Variants in TUBG2 observed in about 807,000 individuals in gnomAD.
TUBG2 encodes the protein tubulin gamma-2 chain.
In TUBG2, 39 loss-of-function variants were observed where a neutral mutation model predicts 55.1. The ratio of observed to expected loss-of-function variants is 0.71; its 90% confidence interval spans 0.55 to 0.93. The LOEUF is 0.93. Ranked by LOEUF, TUBG2 falls within the 40% of genes least tolerant of loss-of-function variation. The pLI is 0.00. For missense variants in TUBG2, 358 were observed against 599.1 expected (o/e 0.60, Z 4.20); for synonymous variants, 223 against 241.0 (o/e 0.93, Z 0.69).
At chr17:42,661,956 G>C (rs2052396859) in intron 4 of TUBG2, among the ~76,000 whole-genome samples, 2 of 152,162 alleles carry the variant, frequency 1.3e-5, no homozygotes, top group South Asian at 4.1e-4. Context: ...GCTATCTTCA[G>C]GTACAGATAC....
intron 5 of TUBG2, 58 bp downstream of exon 5, chr17:42,663,110 T>C: frequency 6.4e-7 from 1 of 1,563,300 alleles, no homozygotes; most frequent in Non-Finnish European, 8.8e-7. Context: ...ATGTCATTGC[T>C]TTTTTCTCTT....
At chr17:42,663,202 G>A (rs1567946898) in intron 5 of TUBG2, 150 bp downstream of exon 5, 11 of 1,279,522 alleles carry the variant, frequency 8.6e-6, no homozygotes, top group Admixed American at 2.3e-5. Flanking sequence ...ATTTTGGGGG[G>A]TGGGGGTTTA....
At position 42,663,032 on chromosome 17, in the gene TUBG2, C is replaced by T; in HGVS notation, c.459C>T (p.Leu153=). 3 of 1,614,134 alleles carry T rather than the reference C, an allele frequency of 1.9e-6. No individual in the cohort carries two copies. The highest frequency in any genetic ancestry group is 2.5e-6 in the Non-Finnish European group (3 of 1,179,992). ...GGTGSGLGSY[L]LERLNDRYPK... ...CGGGTTCTGGCCTGGGCTCCTACCT[C>T]CTGGAGCGACTGAATGACAGGCAAG... The change falls in exon 5 of 11, where the codon CTC becomes CTT. Residue 153 remains leucine, a synonymous_variant. Transcript: ENST00000251412.
chr17:42,663,017 C>T lies in TUBG2; in HGVS notation c.444C>T (p.Gly148=). The part of the protein sequence containing the change: ...CHSIAGGTGS[G]LGSYLLERLN... ...CCATCGCTGGGGGTACGGGTTCTGG[C>T]CTGGGCTCCTACCTCCTGGAGCGAC... Residue 148 remains glycine, a synonymous_variant, in exon 5 of 11, where the codon GGC becomes GGT. Transcript: ENST00000251412. 2 of 1,614,138 alleles carry T rather than the reference C, an allele frequency of 1.2e-6. No homozygotes were observed. Among genetic ancestry groups the T allele is most frequent in the Non-Finnish European group, 1.7e-6 (2 of 1,180,022 alleles).
intron 8 of TUBG2, 96 bp downstream of exon 8, chr17:42,665,923 C>A: frequency 6.3e-7 from 1 of 1,592,214 alleles, no homozygotes; most frequent in Middle Eastern, 1.7e-4. Context: ...CAGGAGCTGC[C>A]CTTTGCAGGC....
chr17:42,666,568 CT>C (rs1160828878), intron 10 of TUBG2, 34 bp from the exon 11 acceptor site: 2 of 1,613,984 alleles, frequency 1.2e-6, no homozygotes, highest in Non-Finnish European at 1.7e-6. Flanking sequence ...TCCTAACCCC[CT>C]GGCTCGCATT....
At chr17:42,666,528 G>A (rs1005363389) in intron 10 of TUBG2, 44 bp downstream of exon 10, 3 of 1,613,502 alleles carry the variant, frequency 1.9e-6, no homozygotes, top group Non-Finnish European at 2.5e-6. Flanking sequence ...CTGTTCCACT[G>A]GCCACCTTCA....
At chr17:42,665,401 C>T (rs1390919937) in intron 6 of TUBG2, 75 bp from the exon 7 acceptor site, 2 of 1,604,128 alleles carry the variant, frequency 1.2e-6, no homozygotes, top group African/African-American at 2.7e-5. Flanking sequence ...TGGAGTTCAG[C>T]AGGGGCTAAG....
chr17:42,660,747 C>T (rs367880241), intron 4 of TUBG2, 40 bp downstream of exon 4: 53 of 1,593,970 alleles, frequency 3.3e-5, no homozygotes, highest in Admixed American at 1.0e-4. Flanking sequence ...GCAGGGAGGC[C>T]GAAGAGTGCT....
intron 5 of TUBG2, 32 bp from the exon 6 acceptor site, chr17:42,663,345 G>A (rs746141368): frequency 6.2e-6 from 10 of 1,613,280 alleles, no homozygotes; most frequent in Admixed American, 3.3e-5. Context: ...GGTCCTTCCG[G>A]TTCACTATGC....
chr17:42,665,743 C>T lies in TUBG2; in HGVS notation c.759C>T (p.Leu253=). The T allele has an allele frequency of 6.2e-7, 1 of 1,614,220 alleles. No homozygotes were observed. The highest frequency in any genetic ancestry group is 8.5e-7 in the Non-Finnish European group (1 of 1,180,032). The change falls in exon 8 of 11, where the codon CTC becomes CTT. Residue 253 remains leucine (L), a synonymous_variant. Coordinates refer to ENST00000251412, the MANE Select transcript of TUBG2 (RefSeq NM_016437.3). ...LRYPGYMNND[L]IGLIASLIPT... ...ACCCCGGCTACATGAACAATGACCT[C>T]ATCGGCCTCATCGCCTCGCTCATTC...
At chr17:42,661,759 CGTAA>C (rs1052608267) in intron 4 of TUBG2, among the ~76,000 whole-genome samples, 9 of 152,192 alleles carry the variant, frequency 5.9e-5, no homozygotes, top group Middle Eastern at 3.2e-3. Flanking sequence ...AATGGATGAA[CGTAA>C]GTAAGTGTCT....
chr17:42,660,103 G>C (rs768431729), intron 2 of TUBG2, 46 bp from the exon 3 acceptor site: 9 of 1,419,252 alleles, frequency 6.3e-6, no homozygotes, highest in Non-Finnish European at 8.7e-6. Flanking sequence ...CTTCGGACTT[G>C]GGCCGCCCTA....
In TUBG2 at chr17:42,666,095, C is replaced by A; in HGVS notation, c.852C>A (p.Ser284Arg). 2 of 1,613,984 alleles carry A rather than the reference C, an allele frequency of 1.2e-6. No individual in the cohort carries two copies. Among genetic ancestry groups the A allele is most frequent in the Non-Finnish European group, 1.7e-6 (2 of 1,179,870 alleles). The change falls in exon 9 of 11, where the codon AGC becomes AGA. Residue 284 changes from serine (S) to arginine (R), a missense_variant. Coordinates refer to ENST00000251412, the MANE Select transcript of TUBG2 (RefSeq NM_016437.3). ...TPLTTDQSVA[S>R]VRKTTVLDVM... ...TCTCACTGTCCCATCAGGTGGCCAGCGTGAGGAAGACCACGGTCCTGGATG... is the reference window on the plus strand; with the variant it reads ...TCTCACTGTCCCATCAGGTGGCCAGAGTGAGGAAGACCACGGTCCTGGATG...
At chr17:42,659,811 C>T (rs1597767257) in intron 1 of TUBG2, 23 bp from the exon 2 acceptor site, 1 of 1,613,800 alleles carries the variant, frequency 6.2e-7, no homozygotes, top group Non-Finnish European at 8.5e-7. Flanking sequence ...CCAGCAGACC[C>T]GGGCATCTCC....
In TUBG2 at chr17:42,666,134, G is replaced by A. The variant is rs927724926; in HGVS notation, c.891G>A (p.Leu297=). ...CGGTCCTGGATGTCATGAGGCGGCTGCTGCAGCCCAAGAACGTGATGGTGT... is the reference window on the plus strand; with the variant it reads ...CGGTCCTGGATGTCATGAGGCGGCTACTGCAGCCCAAGAACGTGATGGTGT... ...KTTVLDVMRR[L]LQPKNVMVST... is the part of the protein sequence containing the mutation. The change falls in exon 9 of 11, where the codon CTG becomes CTA. Residue 297 remains leucine (L), a synonymous_variant. Coordinates refer to ENST00000251412, the MANE Select transcript of TUBG2 (RefSeq NM_016437.3). The A allele has an allele frequency of 6.2e-7, 1 of 1,613,892 alleles. No individual in the cohort carries two copies. The highest frequency in any genetic ancestry group is 1.3e-5 in the African/African-American group (1 of 74,938).
intron 6 of TUBG2, among the ~76,000 whole-genome samples, chr17:42,665,192 C>T (rs541266026): frequency 1.7e-4 from 26 of 152,158 alleles, no homozygotes; most frequent in African/African-American, 6.0e-4. Context: ...GGACTACAGG[C>T]GCCCGCCAAC....
At chr17:42,664,705 G>C (rs931345637) in intron 6 of TUBG2, among the ~76,000 whole-genome samples, 7 of 151,846 alleles carry the variant, frequency 4.6e-5, no homozygotes, top group African/African-American at 1.7e-4. Context: ...GACGGTGCCT[G>C]TTCCTCTCTG....
At chr17:42,660,494 C>A in intron 3 of TUBG2, 145 bp from the exon 4 acceptor site, 2 of 1,277,932 alleles carry the variant, frequency 1.6e-6, no homozygotes, top group Non-Finnish European at 2.2e-6. Context: ...GCAATAGTAG[C>A]ACTTCTGGGT....
Sources: gnomAD v4.1 joint callset for allele counts (sites outside exome capture counted in the v4.1 genomes callset) on GRCh38, gnomAD v4.1.1 for gene constraint, MANE v1.5 for transcripts, NCBI Gene and HGNC (gene_info 2026-07-23, HGNC 2026-07-21) for gene names.